Variants in DGKB observed in about 807,000 individuals in gnomAD.
DGKB encodes 90 kDa diacylglycerol kinase.
Under a neutral mutation model 114.3 loss-of-function variants are expected in DGKB, and 67 were observed. That is an observed-to-expected ratio of 0.59 (90% confidence interval 0.48 to 0.72). The LOEUF is 0.72. Ranked by LOEUF, DGKB falls within the 30% of genes least tolerant of loss-of-function variation. DGKB has a pLI of 0.00. For missense variants in DGKB, 907 were observed against 975.2 expected (o/e 0.93, Z 0.93); for synonymous variants, 398 against 323.1 (o/e 1.23, Z -2.49).
At chr7:14,713,232 A>G (rs1285317719) in intron 6 of DGKB, among the ~76,000 whole-genome samples, 1 of 152,120 alleles carries the variant, frequency 6.6e-6, no homozygotes, top group Non-Finnish European at 1.5e-5. Flanking sequence ...CATAATGAAT[A>G]TATCCTACTA....
intron 1 of DGKB, among the ~76,000 whole-genome samples, chr7:14,942,398 C>T (rs1785615969): frequency 6.6e-6 from 1 of 151,860 alleles, no homozygotes; most frequent in African/African-American, 2.4e-5. Flanking sequence ...ATTTCCATTC[C>T]TGTTCATTTA....
intron 23 of DGKB, among the ~76,000 whole-genome samples, chr7:14,235,837 A>G (rs1254787301): frequency 2.6e-5 from 4 of 152,066 alleles, no homozygotes; most frequent in African/African-American, 9.7e-5. Flanking sequence ...TGTTATGTGA[A>G]GCTATAAAAC....
intron 25 of DGKB, among the ~76,000 whole-genome samples, chr7:14,149,987 C>A (rs1168815783): frequency 6.6e-6 from 1 of 152,022 alleles, no homozygotes; most frequent in Non-Finnish European, 1.5e-5. Flanking sequence ...TCTAATTCGA[C>A]TCTAAATTAG....
At chr7:14,715,052 A>G (rs1230053608) in intron 6 of DGKB, among the ~76,000 whole-genome samples, 3 of 152,136 alleles carry the variant, frequency 2.0e-5, no homozygotes, top group Admixed American at 1.3e-4. Context: ...AATGATCTCA[A>G]TTTTACAGTT....
intron 1 of DGKB, among the ~76,000 whole-genome samples, chr7:14,973,534 T>C (rs1391789595): frequency 6.9e-6 from 1 of 145,742 alleles, no homozygotes; most frequent in Non-Finnish European, 1.5e-5. Context: ...TTTGTTTTTT[T>C]TTTCTTTTTT....
At chr7:14,754,600 C>A (rs1834600409) in intron 3 of DGKB, among the ~76,000 whole-genome samples, 1 of 151,886 alleles carries the variant, frequency 6.6e-6, no homozygotes, top group African/African-American at 2.4e-5. Flanking sequence ...GTGTGGAATG[C>A]TAAACTGGTT....
intron 1 of DGKB, among the ~76,000 whole-genome samples, chr7:14,936,516 A>C (rs1376778560): frequency 1.3e-5 from 2 of 152,106 alleles, no homozygotes; most frequent in Admixed American, 1.3e-4. Context: ...TTCTTTACCA[A>C]TCCTTAAATG....
chr7:14,515,676 AC>A (rs1788679271), intron 20 of DGKB, among the ~76,000 whole-genome samples: 1 of 152,186 alleles, frequency 6.6e-6, no homozygotes, highest in South Asian at 2.1e-4. Context: ...AATCTGACAA[AC>A]TCAACCTTCT....
intron 5 of DGKB, among the ~76,000 whole-genome samples, chr7:14,729,123 CTTTT>C (rs1162368398): frequency 4.4e-5 from 5 of 113,412 alleles, no homozygotes; most frequent in Admixed American, 2.9e-4. Flanking sequence ...CATTTTCTTT[CTTTT>C]TTTTTTTTTT....
intron 13 of DGKB, among the ~76,000 whole-genome samples, chr7:14,636,203 C>T (rs1015798556): frequency 3.3e-5 from 5 of 151,718 alleles, no homozygotes; most frequent in Non-Finnish European, 7.4e-5. Flanking sequence ...CATGAACTTT[C>T]ATTATGTGCA....
intron 20 of DGKB, among the ~76,000 whole-genome samples, chr7:14,524,464 T>C (rs1314783155): frequency 6.6e-6 from 1 of 152,148 alleles, no homozygotes; most frequent in East Asian, 1.9e-4. Flanking sequence ...CTTTAAATAA[T>C]CCTAATTCAG....
At chr7:14,886,967 G>T (rs992457035) in intron 1 of DGKB, among the ~76,000 whole-genome samples, 4 of 151,772 alleles carry the variant, frequency 2.6e-5, no homozygotes, top group African/African-American at 9.7e-5. Flanking sequence ...ATGCTTTTCT[G>T]CATTCTCTTT....
At chr7:14,514,567 T>C (rs560024745) in intron 20 of DGKB, among the ~76,000 whole-genome samples, 1 of 152,334 alleles carries the variant, frequency 6.6e-6, no homozygotes, top group South Asian at 2.1e-4. Context: ...GTAACTTAAT[T>C]ATAAAACCAG....
chr7:14,925,787 T>A (rs1784713644), intron 1 of DGKB, among the ~76,000 whole-genome samples: 2 of 152,162 alleles, frequency 1.3e-5, no homozygotes, highest in South Asian at 4.1e-4. Flanking sequence ...TTCCAAGGTA[T>A]TGTTTGGTTT....
intron 2 of DGKB, among the ~76,000 whole-genome samples, chr7:14,788,948 A>G (rs1257248115): frequency 6.6e-6 from 1 of 152,180 alleles, no homozygotes; most frequent in Non-Finnish European, 1.5e-5. Flanking sequence ...GGCAGCACAG[A>G]TAAAGCCCCC....
chr7:14,852,487 C>CAAAAAAAAAAAAAAACAAAACA, intron 1 of DGKB, among the ~76,000 whole-genome samples: 6 of 63,636 alleles, frequency 9.4e-5, no homozygotes, highest in East Asian at 5.0e-4. Context: ...TAGTGAAAGT[C>CAAAAAAAAAAAAAAACAAAACA]AAAAAAAAAA....
At chr7:14,153,654 CCAAT>C (rs1214465011) in intron 25 of DGKB, among the ~76,000 whole-genome samples, 1 of 151,896 alleles carries the variant, frequency 6.6e-6, no homozygotes, top group Non-Finnish European at 1.5e-5. Flanking sequence ...CTCTTTTTTG[CCAAT>C]CAAATTTCTA....
intron 2 of DGKB, among the ~76,000 whole-genome samples, chr7:14,797,575 G>T (rs1841572066): frequency 6.6e-6 from 1 of 151,938 alleles, no homozygotes; most frequent in Admixed American, 6.6e-5. Flanking sequence ...TCCTTGTCTG[G>T]ATCTCAGAAA....
At chr7:14,431,539 G>T (rs923396337) in intron 21 of DGKB, among the ~76,000 whole-genome samples, 3 of 152,018 alleles carry the variant, frequency 2.0e-5, no homozygotes, top group African/African-American at 7.2e-5. Context: ...CAATTTAGTA[G>T]CTCTTACATA....
Sources: allele counts gnomAD v4.1 joint callset (sites outside exome capture counted in the v4.1 genomes callset), GRCh38; gene constraint gnomAD v4.1.1; transcripts MANE v1.5; gene names NCBI Gene and HGNC (gene_info 2026-07-23, HGNC 2026-07-21).